Variants in RIMS1 observed in about 807,000 individuals in gnomAD.
RIMS1 encodes regulating synaptic membrane exocytosis 1, also known as regulating synaptic membrane exocytosis protein 1.
In RIMS1, 83 loss-of-function variants were observed where a neutral mutation model predicts 214.1. The ratio of observed to expected loss-of-function variants is 0.39; its 90% CI spans 0.32 to 0.47. The LOEUF (loss-of-function observed/expected upper bound fraction) is 0.47. RIMS1 is among the 20% of genes least tolerant of loss of function. The pLI is 0.99. For missense variants in RIMS1, 2,050 were observed against 2,161.8 expected (o/e 0.95, Z 1.03); for synonymous variants, 793 against 786.8 (o/e 1.01, Z -0.13).
chr6:72,164,457 A>C (rs2045974260), intron 4 of RIMS1, among the ~76,000 whole-genome samples: 1 of 152,202 alleles, frequency 6.6e-6, no homozygotes, highest in Admixed American at 6.5e-5. Flanking sequence ...TTGGAAATGC[A>C]GAAATCACCC....
intron 1 of RIMS1, among the ~76,000 whole-genome samples, chr6:71,958,563 G>A (rs1232673400): frequency 1.3e-5 from 2 of 152,112 alleles, no homozygotes; most frequent in Non-Finnish European, 2.9e-5. Context: ...GTAGGATACG[G>A]AATGGAGATC....
chr6:72,126,850 A>G (rs2039619398), intron 4 of RIMS1: 1 of 160,336 alleles, frequency 6.2e-6, no homozygotes, highest in Admixed American at 6.4e-5. Context: ...AAACTAGTAC[A>G]ACTATGGAAA....
chr6:72,182,727 C>G lies in RIMS1; in HGVS notation c.1256C>G (p.Ala419Gly). 1 of 1,533,880 alleles carries G rather than the reference C, an allele frequency of 6.5e-7. No individual in the cohort carries two copies. Among genetic ancestry groups the G allele is most frequent in the Non-Finnish European group, 8.7e-7 (1 of 1,143,340 alleles). ...AAACGCGCGCCGGCGGCAGCCAGGG[C>G]CTCGCCGCCGGACTCGCCGCGGGCT... is the stretch of plus-strand genomic sequence containing the variant. Reference protein sequence around the residue: ...AGKRAPAAARASPPDSPRAYS... With the variant: ...AGKRAPAAARGSPPDSPRAYS... Residue 419 changes from alanine (A) to glycine (G), a missense_variant, in exon 6 of 34, where the codon GCC becomes GGC. Transcript: ENST00000521978.
rs975445275 is a variant in RIMS1 at position 72,313,751 on chromosome 6, T to C, written c.4130+79T>C. 3.4e-5 allele frequency: 48 copies of C among 1,399,966 alleles called. No homozygotes were observed. The African/African-American group carries it at 5.6e-4, about 16-fold the overall frequency. The allele number at this position is 1,399,966 out of a possible 1,614,324, so 86.7% of individuals were successfully genotyped here. On this transcript the variant is annotated intron_variant, in intron 28 of 33. Transcript: ENST00000521978. ...TACAACTAGCTTCCTGAATATTTTTTCTATAATACAGTTTAGGTCACAGTG... is the reference window on the plus strand; with the variant it reads ...TACAACTAGCTTCCTGAATATTTTTCCTATAATACAGTTTAGGTCACAGTG...
chr6:72,003,886 T>C lies in RIMS1; in HGVS notation c.245+34823T>C, dbSNP rs1226908934. On this transcript the variant is annotated intron_variant, in intron 2 of 33. Coordinates refer to ENST00000521978, the MANE Select transcript of RIMS1 (RefSeq NM_014989.7). ...CCTTTCTTTTTTTTAATTATTATTATACTTTAAGTTTTAGGGTACATGTGC... is the reference window on the plus strand; with the variant it reads ...CCTTTCTTTTTTTTAATTATTATTACACTTTAAGTTTTAGGGTACATGTGC... Among the ~76,000 whole-genome samples the C allele has an allele frequency of 2.0e-5, 3 of 151,974 alleles. No individual in the cohort carries two copies. The South Asian group carries it at 6.2e-4, about 32-fold the overall frequency.
intron 1 of RIMS1, among the ~76,000 whole-genome samples, chr6:71,895,450 G>A (rs1329856969): frequency 6.6e-6 from 1 of 152,068 alleles, no homozygotes; most frequent in African/African-American, 2.4e-5. Context: ...TGAGAAGGGC[G>A]TATCACCTGA....
chr6:72,274,023 A>G (rs1377327807), intron 22 of RIMS1, among the ~76,000 whole-genome samples: 1 of 152,198 alleles, frequency 6.6e-6, no homozygotes, highest in East Asian at 1.9e-4. Flanking sequence ...ACTTAAAGTT[A>G]CATTAATATT....
chr6:72,146,274 T>C (rs964225383), intron 4 of RIMS1, among the ~76,000 whole-genome samples: 2 of 152,194 alleles, frequency 1.3e-5, no homozygotes, highest in African/African-American at 4.8e-5. Context: ...TTCCAAAAAA[T>C]CTGTCACGTG....
chr6:72,315,997 T>C (rs1370920435), intron 28 of RIMS1, among the ~76,000 whole-genome samples: 1 of 152,174 alleles, frequency 6.6e-6, no homozygotes, highest in African/African-American at 2.4e-5. Flanking sequence ...ATTATAATGA[T>C]AGAATATATT....
chr6:72,378,395 T>G (rs918423599), intron 29 of RIMS1, among the ~76,000 whole-genome samples: 1 of 152,246 alleles, frequency 6.6e-6, no homozygotes, highest in African/African-American at 2.4e-5. Context: ...TTTTACAGAA[T>G]ATAGAAAACA....
rs1051079797 is a variant in RIMS1 at position 72,163,276 on chromosome 6, A to C, written c.472-16299A>C. ...CTTCTCTGCTTTGGTTATTCTAGTT[A>C]GCCATTTGTCTAATTTTTTTTCAAG... On this transcript the variant is annotated intron_variant, in intron 4 of 33. Coordinates refer to ENST00000521978, the MANE Select transcript of RIMS1 (RefSeq NM_014989.7). Among the ~76,000 whole-genome samples the C allele has an allele frequency of 4.4e-4, 62 of 139,464 alleles. 10 individuals carry two copies. The highest frequency in any genetic ancestry group is 8.3e-4 in the Non-Finnish European group (51 of 61,416). 91.5% of individuals were successfully genotyped at this position (139,464 alleles called of 152,430 possible).
chr6:71,962,490 G>A (rs1350678473), intron 1 of RIMS1, among the ~76,000 whole-genome samples: 1 of 152,112 alleles, frequency 6.6e-6, no homozygotes, highest in South Asian at 2.1e-4. Context: ...TTCCCTGAAT[G>A]CACACTGGTG....
chr6:72,157,230 A>G (rs1349687889), intron 4 of RIMS1, among the ~76,000 whole-genome samples: 1 of 140,694 alleles, frequency 7.1e-6, no homozygotes, highest in Non-Finnish European at 1.6e-5. Flanking sequence ...GACTGCATCA[A>G]ATATATAGAG....
At chr6:71,940,184 A>C (rs1283516422) in intron 1 of RIMS1, among the ~76,000 whole-genome samples, 1 of 152,196 alleles carries the variant, frequency 6.6e-6, no homozygotes, top group African/African-American at 2.4e-5. Flanking sequence ...AGATTCTGGA[A>C]TTCTTTCTTC....
At position 72,333,776 on chromosome 6, in the gene RIMS1, C is replaced by A; in HGVS notation, c.4307C>A (p.Ala1436Asp). ...AAGAAACGGAGATCCAGCCTTAGTG[C>A]CAAAGTGGTTGCCATAGTGTCTCGA... ...GGKKRRSSLS[A>D]KVVAIVSRRS... Residue 1436 changes from alanine to aspartate, a missense_variant, in exon 29 of 34, where the codon GCC becomes GAC. By Grantham distance (126) the Ala-to-Asp change is moderately radical (BLOSUM62 -2). Transcript: ENST00000521978. 1 of 1,598,188 alleles carries A rather than the reference C, an allele frequency of 6.3e-7. No homozygotes were observed. Among genetic ancestry groups the A allele is most frequent in the Non-Finnish European group, 8.5e-7 (1 of 1,172,204 alleles).
At chr6:72,287,607 T>C (rs916433222) in intron 24 of RIMS1, among the ~76,000 whole-genome samples, 12 of 151,936 alleles carry the variant, frequency 7.9e-5, no homozygotes, top group Non-Finnish European at 1.6e-4. Flanking sequence ...TTTTTTTTTT[T>C]TTTTTGGAGA....
At chr6:72,359,932 G>A (rs535126292) in intron 29 of RIMS1, among the ~76,000 whole-genome samples, 128 of 152,222 alleles carry the variant, frequency 8.4e-4, no homozygotes, top group Non-Finnish European at 1.2e-3. Flanking sequence ...TGACAGCATC[G>A]TGTACTCTTT....
chr6:72,338,131 G>A (rs535226115), intron 29 of RIMS1, among the ~76,000 whole-genome samples: 2,239 of 151,624 alleles, frequency 0.015, 29 homozygotes, highest in Non-Finnish European at 0.022. Context: ...GGGTCAAATG[G>A]TATTTCTAGT....
intron 1 of RIMS1, among the ~76,000 whole-genome samples, chr6:71,945,417 T>C (rs547263138): frequency 6.6e-6 from 1 of 152,266 alleles, no homozygotes; most frequent in South Asian, 2.1e-4. Context: ...TTTGCCTGTG[T>C]GTCCCTTTCA....
Sources: allele counts gnomAD v4.1 joint callset (sites outside exome capture counted in the v4.1 genomes callset), GRCh38; gene constraint gnomAD v4.1.1; transcripts MANE v1.5; gene names NCBI Gene and HGNC (gene_info 2026-07-23, HGNC 2026-07-21).